ROBO2: variants seen among roughly 807,000 people sequenced by gnomAD.
ROBO2 encodes the protein roundabout homolog 2.
ROBO2 carries 53 observed loss-of-function variants against 160.8 expected under a neutral mutation model. The observed-to-expected ratio is 0.33, with a 90% confidence interval of 0.26 to 0.41. The LOEUF is 0.41. ROBO2 is among the 10% of genes least tolerant of loss of function. ROBO2 has a pLI of 1.00. For synonymous variants in ROBO2, 664 were observed against 611.7 expected, an observed-to-expected ratio of 1.09 and a Z score of -1.26; for missense variants, 1,577 against 1,722.4, an observed-to-expected ratio of 0.92 and a Z score of 1.49.
intron 1 of ROBO2, among the ~76,000 whole-genome samples, chr3:77,047,157 A>G (rs2064754187): frequency 6.6e-6 from 1 of 152,174 alleles, no homozygotes; most frequent in African/African-American, 2.4e-5. Context: ...TGGCATGAAG[A>G]TGACAAAGGG....
intron 2 of ROBO2, among the ~76,000 whole-genome samples, chr3:76,640,937 G>A: frequency 6.6e-6 from 1 of 152,062 alleles, no homozygotes; most frequent in East Asian, 1.9e-4. Flanking sequence ...TACTACTGCT[G>A]GATTATGCCC....
chr3:77,076,351 C>G (rs1337321172), intron 1 of ROBO2, among the ~76,000 whole-genome samples: 3 of 152,018 alleles, frequency 2.0e-5, no homozygotes, highest in African/African-American at 7.2e-5. Flanking sequence ...GCACCTAATT[C>G]AAATATTTAA....
At chr3:76,256,928 A>G (rs570403489) in intron 2 of ROBO2, among the ~76,000 whole-genome samples, 53 of 152,042 alleles carry the variant, frequency 3.5e-4, no homozygotes, top group African/African-American at 1.2e-3. Context: ...CAAGAGAGAG[A>G]GTGGGGCGGG....
intron 2 of ROBO2, among the ~76,000 whole-genome samples, chr3:76,188,348 A>G (rs1701857808): frequency 6.6e-6 from 1 of 152,114 alleles, no homozygotes; most frequent in Non-Finnish European, 1.5e-5. Context: ...ATACAGAAAA[A>G]AAGATGAAGA....
At chr3:77,160,260 A>G (rs187305948) in intron 2 of ROBO2, among the ~76,000 whole-genome samples, 6 of 152,338 alleles carry the variant, frequency 3.9e-5, no homozygotes, top group Admixed American at 3.9e-4. Context: ...AAAATACTTT[A>G]CATATGGTAG....
intron 5 of ROBO2, among the ~76,000 whole-genome samples, chr3:77,500,330 T>G (rs2087405408): frequency 6.6e-6 from 1 of 152,182 alleles, no homozygotes; most frequent in South Asian, 2.1e-4. Context: ...AAGTTAGGTT[T>G]TTAAGGCCAC....
At chr3:76,576,709 T>TTA (rs1333249196) in intron 2 of ROBO2, among the ~76,000 whole-genome samples, 1 of 142,296 alleles carries the variant, frequency 7.0e-6, no homozygotes, top group African/African-American at 2.5e-5. Context: ...TTCTTTTTTT[T>TTA]TTTTTTTTTT....
intron 2 of ROBO2, among the ~76,000 whole-genome samples, chr3:76,942,700 A>AC (rs1169418119): frequency 1.3e-5 from 2 of 152,118 alleles, no homozygotes; most frequent in Non-Finnish European, 2.9e-5. Flanking sequence ...CGGAAGTCTA[A>AC]TTTTAATTCT....
intron 2 of ROBO2, among the ~76,000 whole-genome samples, chr3:76,606,279 A>G (rs2087646741): frequency 6.6e-6 from 1 of 151,080 alleles, no homozygotes; most frequent in African/African-American, 2.4e-5. Flanking sequence ...GTTTTCAAAA[A>G]CTAGAATCCA....
At chr3:77,300,396 A>G (rs1347039594) in intron 2 of ROBO2, among the ~76,000 whole-genome samples, 2 of 152,080 alleles carry the variant, frequency 1.3e-5, no homozygotes, top group Non-Finnish European at 2.9e-5. Flanking sequence ...GCAAGAACCC[A>G]AACAGACAGT....
chr3:77,432,993 G>A (rs995530895), intron 2 of ROBO2, among the ~76,000 whole-genome samples: 4 of 152,126 alleles, frequency 2.6e-5, no homozygotes, highest in African/African-American at 9.7e-5. Context: ...CAAGTTCACC[G>A]CAGAGGTGAG....
At chr3:76,862,902 C>T (rs1378606090) in intron 2 of ROBO2, among the ~76,000 whole-genome samples, 1 of 152,090 alleles carries the variant, frequency 6.6e-6, no homozygotes, top group Non-Finnish European at 1.5e-5. Context: ...TTTTCTCTCT[C>T]CATTGCCTTT....
intron 2 of ROBO2, among the ~76,000 whole-genome samples, chr3:76,231,994 T>C (rs1023180581): frequency 2.6e-5 from 4 of 152,194 alleles, no homozygotes; most frequent in African/African-American, 4.8e-5. Context: ...AATAAATTTA[T>C]AGATTAAAGG....
intron 2 of ROBO2, among the ~76,000 whole-genome samples, chr3:77,440,585 T>A (rs1411556210): frequency 2.0e-5 from 3 of 152,198 alleles, no homozygotes; most frequent in Non-Finnish European, 1.5e-5. Flanking sequence ...TTAGAAATAA[T>A]ATGAAGAATA....
chr3:76,285,478 A>G (rs1708462461), intron 2 of ROBO2, among the ~76,000 whole-genome samples: 1 of 152,024 alleles, frequency 6.6e-6, no homozygotes, highest in Admixed American at 6.6e-5. Context: ...AAAGTCAAAA[A>G]TTTAATATAT....
chr3:77,041,587 G>C (rs978713657), intron 1 of ROBO2, among the ~76,000 whole-genome samples: 3 of 152,096 alleles, frequency 2.0e-5, no homozygotes, highest in African/African-American at 7.2e-5. Context: ...GTTCCGATTT[G>C]GTTTACTGGG....
chr3:76,951,215 C>T lies in ROBO2; in HGVS notation c.110-146799C>T, dbSNP rs186282640. On this transcript the variant is annotated intron_variant, in intron 2 of 26. Transcript: ENST00000487694. Reference sequence around the variant, plus strand: ...TCCATTCTCTACTGTGATCTGTAACCTATTTCTCTCCCCATTATTTAAGAA... The same window carrying T: ...TCCATTCTCTACTGTGATCTGTAACTTATTTCTCTCCCCATTATTTAAGAA... Among the ~76,000 whole-genome samples, 256 of 152,310 alleles carry T rather than the reference C, an allele frequency of 1.7e-3. 1 individual carries two copies. The highest frequency in any genetic ancestry group is 5.2e-3 in the African/African-American group (217 of 41,560).
At chr3:77,413,739 G>T (rs563685683) in intron 2 of ROBO2, among the ~76,000 whole-genome samples, 2 of 152,182 alleles carry the variant, frequency 1.3e-5, no homozygotes, top group Non-Finnish European at 2.9e-5. Flanking sequence ...AAGAACGAGA[G>T]TCAAGGACGA....
At chr3:76,792,628 A>T (rs1226324213) in intron 2 of ROBO2, among the ~76,000 whole-genome samples, 1 of 151,674 alleles carries the variant, frequency 6.6e-6, no homozygotes, top group East Asian at 1.9e-4. Flanking sequence ...TTTTTTGGAA[A>T]GTAGCTGTCA....
Sources: allele counts gnomAD v4.1 joint callset (sites outside exome capture counted in the v4.1 genomes callset), GRCh38; gene constraint gnomAD v4.1.1; transcripts MANE v1.5; gene names NCBI Gene and HGNC (gene_info 2026-07-23, HGNC 2026-07-21).